The following FBXL20 variants were observed in gnomAD, a reference collection of about 807,000 sequenced individuals.
The protein encoded by FBXL20 is F-box and leucine rich repeat protein 20.
A neutral mutation model predicts 64.0 loss-of-function variants in FBXL20; 11 were observed. That is an observed-to-expected ratio of 0.17 (90% CI 0.11 to 0.28). FBXL20 has a LOEUF of 0.28. Among genes scored for constraint, FBXL20 ranks in the 10% least tolerant of loss-of-function variants. The pLI is 1.00. For missense variants in FBXL20, 303 were observed against 526.2 expected (o/e 0.58, Z 4.15); for synonymous variants, 184 against 189.0 (o/e 0.97, Z 0.22).
At chr17:39,373,613 G>T (rs956422562) in intron 1 of FBXL20, among the ~76,000 whole-genome samples, 3 of 152,132 alleles carry the variant, frequency 2.0e-5, no homozygotes, top group Non-Finnish European at 4.4e-5. Flanking sequence ...TCAGAAATCC[G>T]AATATTTTCT....
chr17:39,391,992 A>G (rs2048138259), intron 1 of FBXL20, among the ~76,000 whole-genome samples: 2 of 151,732 alleles, frequency 1.3e-5, no homozygotes, highest in South Asian at 4.2e-4. Flanking sequence ...AAATAGGAAA[A>G]ACTGGTCGGG....
intron 2 of FBXL20, among the ~76,000 whole-genome samples, chr17:39,310,539 CT>C (rs1268972404): frequency 1.3e-5 from 2 of 152,132 alleles, no homozygotes; most frequent in Non-Finnish European, 2.9e-5. Context: ...CAATAAAAAT[CT>C]TTCCTTTACT....
intron 1 of FBXL20, among the ~76,000 whole-genome samples, chr17:39,383,168 A>G (rs963632029): frequency 1.3e-5 from 2 of 151,610 alleles, no homozygotes; most frequent in Admixed American, 6.6e-5. Context: ...TCTCAAAAAA[A>G]AAAAAAAAAA....
intron 9 of FBXL20, among the ~76,000 whole-genome samples, chr17:39,277,292 C>T (rs1293024961): frequency 2.0e-5 from 3 of 152,046 alleles, no homozygotes; most frequent in African/African-American, 4.8e-5. Flanking sequence ...CTATGATAGC[C>T]GAGATGTAAA....
At chr17:39,338,966 A>C (rs966681679) in intron 2 of FBXL20, among the ~76,000 whole-genome samples, 7 of 152,102 alleles carry the variant, frequency 4.6e-5, no homozygotes, top group Non-Finnish European at 1.0e-4. Flanking sequence ...CAGGAGTTTG[A>C]GCCCAGCCTG....
intron 1 of FBXL20, among the ~76,000 whole-genome samples, chr17:39,383,257 TAA>T (rs1037366691): frequency 2.0e-5 from 3 of 149,638 alleles, no homozygotes; most frequent in South Asian, 2.1e-4. Context: ...CTAAAAAACA[TAA>T]AGTTTCAGAA....
chr17:39,382,953 G>A (rs1373959238), intron 1 of FBXL20, among the ~76,000 whole-genome samples: 1 of 151,476 alleles, frequency 6.6e-6, no homozygotes, highest in African/African-American at 2.4e-5. Flanking sequence ...TCAAGAGATG[G>A]AGACCATCTT....
Position 39,330,371 on chromosome 17 carries a change from T to A in FBXL20, c.104+12809A>T, listed in dbSNP as rs992675786. On this transcript the variant is annotated intron_variant, in intron 2 of 14. Coordinates refer to ENST00000264658, the MANE Select transcript of FBXL20 (RefSeq NM_032875.3). ...GCTCATGCCTGTAATCCCAGCACTTTGGGAGGTTGAGGCAGGCGGATCACA... is the reference window on the plus strand; with the variant it reads ...GCTCATGCCTGTAATCCCAGCACTTAGGGAGGTTGAGGCAGGCGGATCACA... Among the ~76,000 whole-genome samples, 10 of 152,112 alleles carry A rather than the reference T, an allele frequency of 6.6e-5. 1 individual carries two copies. The South Asian group carries it at 2.1e-3, about 32-fold the overall frequency.
intron 1 of FBXL20, among the ~76,000 whole-genome samples, chr17:39,363,810 C>CAAAAAAAAAAAAACAAAAAAA (rs1567896911): frequency 1.1e-4 from 3 of 26,664 alleles, no homozygotes; most frequent in African/African-American, 4.9e-4. Flanking sequence ...GACTTTATCT[C>CAAAAAAAAAAAAACAAAAAAA]AAAAAAAAAA....
At chr17:39,338,801 T>G (rs1312275133) in intron 2 of FBXL20, among the ~76,000 whole-genome samples, 2 of 152,132 alleles carry the variant, frequency 1.3e-5, no homozygotes, top group Non-Finnish European at 1.5e-5. Flanking sequence ...AATTTAATTA[T>G]GAGAAAACAA....
intron 9 of FBXL20, among the ~76,000 whole-genome samples, chr17:39,280,870 C>G (rs1411831907): frequency 2.0e-4 from 30 of 152,102 alleles, no homozygotes; most frequent in Non-Finnish European, 1.0e-4. Flanking sequence ...CTCAACTGAT[C>G]TTCCCACCTC....
intron 10 of FBXL20, among the ~76,000 whole-genome samples, chr17:39,273,175 G>T (rs528933889): frequency 6.6e-6 from 1 of 151,876 alleles, no homozygotes; most frequent in Non-Finnish European, 1.5e-5. Context: ...GGGCCACCAC[G>T]CCTGTAATTT....
intron 12 of FBXL20, among the ~76,000 whole-genome samples, chr17:39,268,455 G>A (rs554258908): frequency 1.3e-5 from 2 of 152,262 alleles, no homozygotes; most frequent in South Asian, 2.1e-4. Context: ...CAGGGCTAAC[G>A]ATGCCAGGGA....
At chr17:39,298,926 T>G (rs748454714) in intron 5 of FBXL20, 64 bp downstream of exon 5, 2 of 1,339,524 alleles carry the variant, frequency 1.5e-6, no homozygotes, top group Non-Finnish European at 2.1e-6. Flanking sequence ...TTTAGCCTTT[T>G]CTGGGTGAGA....
At chr17:39,321,159 A>AT (rs933404711) in intron 2 of FBXL20, among the ~76,000 whole-genome samples, 1 of 151,694 alleles carries the variant, frequency 6.6e-6, no homozygotes, top group African/African-American at 2.4e-5. Flanking sequence ...ATGCTGTATA[A>AT]AACTAATCAG....
chr17:39,290,963 T>C (rs1158985766), intron 6 of FBXL20, among the ~76,000 whole-genome samples: 6 of 128,356 alleles, frequency 4.7e-5, no homozygotes, highest in Non-Finnish European at 8.0e-5. Context: ...CTCCATTCTG[T>C]ATTTTTTTTT....
chr17:39,320,770 TTTATTGTAGAGA>T (rs913063787), intron 2 of FBXL20, among the ~76,000 whole-genome samples: 1 of 151,972 alleles, frequency 6.6e-6, no homozygotes, highest in African/African-American at 2.4e-5. Flanking sequence ...AATTTTTGTA[TTTATTGTAGAGA>T]TGGGGCTTCA....
At chr17:39,389,552 C>T (rs1597837220) in intron 1 of FBXL20, among the ~76,000 whole-genome samples, 2 of 152,184 alleles carry the variant, frequency 1.3e-5, no homozygotes, top group Non-Finnish European at 2.9e-5. Context: ...AGTGCAGTGG[C>T]TCATGCCTGT....
rs56972736 is a variant in FBXL20 at position 39,312,918 on chromosome 17, CT to C, written c.105-9280del. Among the ~76,000 whole-genome samples the C allele has an allele frequency of 6.2e-3, 681 of 110,568 alleles. 1 individual carries two copies. Among genetic ancestry groups the C allele is most frequent in the Middle Eastern group, 0.025 (3 of 120 alleles). 72.5% of individuals were successfully genotyped at this position (110,568 alleles called of 152,430 possible). A position where few individuals can be genotyped will look rare whatever the true frequency, so the allele number is the denominator to read the frequency against. On this transcript the variant is annotated intron_variant, in intron 2 of 14. Transcript: ENST00000264658. ...ATATATTTGATAATGAAGATAGTTA[CT>C]TTTTTTTTTTTTTTTTTGAGATGGA...
Sources: gnomAD v4.1 joint callset for allele counts (sites outside exome capture counted in the v4.1 genomes callset) on GRCh38, gnomAD v4.1.1 for gene constraint, MANE v1.5 for transcripts, NCBI Gene and HGNC (gene_info 2026-07-23, HGNC 2026-07-21) for gene names.